The following CLVS1 variants were observed in gnomAD, a reference collection of about 807,000 sequenced individuals.
CLVS1 encodes clavesin-1.
CLVS1 carries 10 observed loss-of-function variants against 33.1 expected under a neutral mutation model. The observed-to-expected ratio is 0.30, with a 90% CI of 0.19 to 0.51. The LOEUF (loss-of-function observed/expected upper bound fraction) is 0.51, where lower values mean the gene tolerates loss of function less well. Ranked by LOEUF, CLVS1 falls within the 20% of genes least tolerant of loss-of-function variation. CLVS1 has a pLI of 0.97. For missense variants in CLVS1, 343 were observed against 433.4 expected (o/e 0.79, Z 1.85); for synonymous variants, 163 against 166.1 (o/e 0.98, Z 0.14).
chr8:61,300,144 A>T lies in CLVS1; in HGVS notation c.317A>T (p.Asp106Val). Residue 106 changes from aspartate (D) to valine (V), a missense_variant, in exon 2 of 6, where the codon GAC (aspartate) becomes GTC (valine). Asp to Val is a radical substitution (Grantham distance 152). Around this residue, in one of 4 missense-constraint regions of CLVS1, gnomAD observed 166 missense variants for 244.0 expected, o/e 0.68. Transcript: ENST00000325897. Reference protein sequence around the residue: ...QYFQYRQLNLDMFKNFKADDP... With the variant: ...QYFQYRQLNLVMFKNFKADDP... ...TTCCAGTACCGCCAGCTAAACCTGG[A>T]CATGTTCAAAAACTTCAAGGCAGAT... 6.2e-7 allele frequency: 1 copy of T among 1,614,016 alleles called. No individual in the cohort carries two copies. The highest frequency in any genetic ancestry group is 8.5e-7 in the Non-Finnish European group (1 of 1,179,970).
upstream of CLVS1, among the ~76,000 whole-genome samples, chr8:61,287,769 T>G (rs1809821401): frequency 6.6e-6 from 1 of 152,180 alleles, no homozygotes; most frequent in South Asian, 2.1e-4. Context: ...TTTTGCGCTT[T>G]CATTAATCCG....
chr8:61,368,526 G>A (rs1813305053), intron 2 of CLVS1, among the ~76,000 whole-genome samples: 1 of 152,148 alleles, frequency 6.6e-6, no homozygotes, highest in South Asian at 2.1e-4. Context: ...GGTCAGATAG[G>A]GGTGGACTGG....
At chr8:61,161,994 A>C (rs1303842784) in intron 2 of CLVS1, among the ~76,000 whole-genome samples, 1 of 31,320 alleles carries the variant, frequency 3.2e-5, no homozygotes. Flanking sequence ...ACTTTTTGAC[A>C]AAAAAAAAAA....
At chr8:61,261,634 G>A (rs774295252) in intron 2 of CLVS1, among the ~76,000 whole-genome samples, 1 of 152,122 alleles carries the variant, frequency 6.6e-6, no homozygotes, top group African/African-American at 2.4e-5. Flanking sequence ...TCAGGAATGT[G>A]ATTAGTGATC....
At chr8:61,269,011 CT>C (rs1809373803) in intron 2 of CLVS1, among the ~76,000 whole-genome samples, 1 of 140,312 alleles carries the variant, frequency 7.1e-6, no homozygotes. Context: ...TGCAGAAGCT[CT>C]TTAGTTTAAT....
intron 1 of CLVS1, among the ~76,000 whole-genome samples, chr8:61,121,085 T>A (rs149478182): frequency 0.017 from 2,604 of 151,852 alleles, 77 homozygotes; most frequent in African/African-American, 0.056. Context: ...GTGCGCCGTT[T>A]TTTAAGCCCG....
chr8:61,480,904 G>C (rs1367889875), intron 5 of CLVS1, among the ~76,000 whole-genome samples: 1 of 152,080 alleles, frequency 6.6e-6, no homozygotes, highest in Non-Finnish European at 1.5e-5. Flanking sequence ...TCTATTCTTG[G>C]GTAGTGTGAT....
intron 2 of CLVS1, among the ~76,000 whole-genome samples, chr8:61,152,484 G>A (rs1482434945): frequency 6.6e-6 from 1 of 152,180 alleles, no homozygotes; most frequent in African/African-American, 2.4e-5. Flanking sequence ...GGGTTCGTTT[G>A]TATGGAGAAA....
the CLVS1 span, among the ~76,000 whole-genome samples, chr8:60,980,023 C>T: frequency 6.6e-6 from 1 of 152,190 alleles, no homozygotes; most frequent in African/African-American, 2.4e-5. Flanking sequence ...GTTCCTCATT[C>T]AACACTTTGT....
chr8:61,393,755 A>G (rs945573315), intron 3 of CLVS1, among the ~76,000 whole-genome samples: 2 of 152,064 alleles, frequency 1.3e-5, no homozygotes, highest in Admixed American at 1.3e-4. Flanking sequence ...CTGTGATGTG[A>G]TCCATTTTCA....
intron 2 of CLVS1, among the ~76,000 whole-genome samples, chr8:61,362,817 A>G (rs745706137): frequency 3.3e-5 from 5 of 152,208 alleles, no homozygotes; most frequent in Non-Finnish European, 7.3e-5. Flanking sequence ...CTTTCCTGAT[A>G]CTTCAGCTTG....
intron 3 of CLVS1, among the ~76,000 whole-genome samples, chr8:61,413,763 G>A (rs960085652): frequency 1.3e-5 from 2 of 152,152 alleles, no homozygotes; most frequent in African/African-American, 4.8e-5. Context: ...CTGTGGGTTG[G>A]CTACTCCCAG....
chr8:61,481,680 A>G (rs191766972), intron 5 of CLVS1, among the ~76,000 whole-genome samples: 34 of 152,366 alleles, frequency 2.2e-4, no homozygotes, highest in Admixed American at 9.8e-4. Context: ...AGGCTTGAGT[A>G]GGTAAACAAA....
At chr8:61,476,149 G>C (rs1350256975) in intron 5 of CLVS1, among the ~76,000 whole-genome samples, 2 of 152,118 alleles carry the variant, frequency 1.3e-5, no homozygotes, top group African/African-American at 4.8e-5. Context: ...CTGTTCCATT[G>C]ATCTATATCT....
At chr8:61,337,187 C>T (rs1811838331) in intron 2 of CLVS1, among the ~76,000 whole-genome samples, 1 of 152,134 alleles carries the variant, frequency 6.6e-6, no homozygotes, top group Admixed American at 6.5e-5. Context: ...GTAGTAAACA[C>T]TTTTAAGGGC....
intron 5 of CLVS1, among the ~76,000 whole-genome samples, chr8:61,485,461 A>G (rs1398161689): frequency 6.6e-6 from 1 of 152,198 alleles, no homozygotes; most frequent in Non-Finnish European, 1.5e-5. Flanking sequence ...GCTAGAAAGG[A>G]TGTGGAGAAA....
the CLVS1 span, among the ~76,000 whole-genome samples, chr8:61,029,399 T>TG: frequency 6.6e-6 from 1 of 152,124 alleles, no homozygotes; most frequent in African/African-American, 2.4e-5. Context: ...GGGGCAGAGA[T>TG]GCAGCTTCTG....
At chr8:61,332,542 CA>C (rs1398405599) in intron 2 of CLVS1, among the ~76,000 whole-genome samples, 1 of 152,176 alleles carries the variant, frequency 6.6e-6, no homozygotes, top group Non-Finnish European at 1.5e-5. Flanking sequence ...AATCTGCTAT[CA>C]TCTCATATTT....
chr8:61,451,812 C>CACACACAGAG (rs375319471), intron 3 of CLVS1, among the ~76,000 whole-genome samples: 11 of 142,848 alleles, frequency 7.7e-5, no homozygotes, highest in African/African-American at 2.6e-4. Context: ...CACACACACA[C>CACACACAGAG]AGAGAGAGAG....
Sources: gnomAD v4.1 joint callset for allele counts (sites outside exome capture counted in the v4.1 genomes callset) on GRCh38, gnomAD v4.1.1 for gene constraint, gnomAD v4.1.1 regional missense constraint, MANE v1.5 for transcripts, NCBI Gene and HGNC (gene_info 2026-07-23, HGNC 2026-07-21) for gene names.